Variants in TTC7A observed in about 807,000 individuals in gnomAD.
The protein encoded by TTC7A is tetratricopeptide repeat domain 7A.
A neutral mutation model predicts 103.7 loss-of-function variants in TTC7A; 110 were observed. The observed-to-expected ratio is 1.06, with a 90% CI of 0.91 to 1.24. The LOEUF (loss-of-function observed/expected upper bound fraction) is 1.24, where lower values mean the gene tolerates loss of function less well. Ranked by LOEUF, TTC7A falls within the 50% of genes most tolerant of loss-of-function variation. The pLI is 0.00. For synonymous variants in TTC7A, 521 were observed against 467.9 expected (o/e 1.11, Z -1.47); for missense variants, 1,340 against 1,116.3 (o/e 1.20, Z -2.86).
intron 16 of TTC7A, chr2:47,046,959 C>T (rs181693697): frequency 3.2e-4 from 100 of 316,562 alleles, no homozygotes; most frequent in African/African-American, 1.5e-3. Flanking sequence ...AAGGGCCACC[C>T]CTTCTTCCCT....
Position 46,941,712 on chromosome 2 carries a change from C to G in TTC7A, c.171C>G (p.Thr57=). 6.4e-7 allele frequency: 1 copy of G among 1,550,458 alleles called. No homozygotes were observed. Among genetic ancestry groups the G allele is most frequent in the South Asian group, 1.2e-5 (1 of 84,070 alleles). Residue 57 remains threonine (T), a synonymous_variant, in exon 1 of 20, where the codon ACC becomes ACG. Coordinates refer to ENST00000319190, the MANE Select transcript of TTC7A (RefSeq NM_020458.4). This position sits in a 1 kb window ranked among gnomAD's most constrained non-coding sequence, Gnocchi z 4.2. ...NRRGSPSAAF[T]FPDTDDFGKL... The stretch of plus-strand genomic sequence containing the variant: ...GAGGCAGCCCGAGCGCAGCGTTCAC[C>G]TTTCCGGACACCGGTGAGTAAGGGA...
chr2:46,947,474 G>C (rs988092399), intron 1 of TTC7A, among the ~76,000 whole-genome samples: 5 of 152,158 alleles, frequency 3.3e-5, no homozygotes, highest in Non-Finnish European at 5.9e-5. Flanking sequence ...CTAGCATTTT[G>C]GGAGGCCGAG....
At chr2:46,960,054 TC>T (rs1384024962) in intron 3 of TTC7A, among the ~76,000 whole-genome samples, 1 of 152,168 alleles carries the variant, frequency 6.6e-6, no homozygotes, top group East Asian at 1.9e-4. Flanking sequence ...CCACCAGCAT[TC>T]CTGGTCCCCT....
At chr2:46,926,482 A>G (rs1669389426) in intron 2 of TTC7A, among the ~76,000 whole-genome samples, 1 of 152,198 alleles carries the variant, frequency 6.6e-6, no homozygotes, top group African/African-American at 2.4e-5. Context: ...GAGTCAAGGA[A>G]GACTTCCCTC....
chr2:46,986,639 G>GGA (rs1675042525), intron 5 of TTC7A, among the ~76,000 whole-genome samples: 1 of 152,216 alleles, frequency 6.6e-6, no homozygotes, highest in Admixed American at 6.5e-5. Flanking sequence ...AGAGTCCCAG[G>GGA]GAGAGGGAGG....
At chr2:47,051,160 CAG>C (rs1325972421) in intron 17 of TTC7A, among the ~76,000 whole-genome samples, 1 of 152,178 alleles carries the variant, frequency 6.6e-6, no homozygotes, top group East Asian at 1.9e-4. Flanking sequence ...CTTGTGAAAA[CAG>C]AAGGTGAAAA....
intron 16 of TTC7A, among the ~76,000 whole-genome samples, chr2:47,047,718 C>T (rs1558625184): frequency 6.6e-6 from 1 of 152,220 alleles, no homozygotes; most frequent in African/African-American, 2.4e-5. Flanking sequence ...CTCTGAGCTG[C>T]AGCCTTGTCT....
intron 2 of TTC7A, among the ~76,000 whole-genome samples, chr2:46,923,762 C>T (rs905597203): frequency 6.6e-6 from 1 of 151,784 alleles, no homozygotes; most frequent in Non-Finnish European, 1.5e-5. Flanking sequence ...GACAAAGTCT[C>T]ACTCTTGTCC....
At chr2:47,047,806 C>A (rs1017752693) in intron 16 of TTC7A, among the ~76,000 whole-genome samples, 2 of 152,200 alleles carry the variant, frequency 1.3e-5, no homozygotes, top group African/African-American at 4.8e-5. Flanking sequence ...AATGGGAAGC[C>A]CCTAAGCACC....
intron 10 of TTC7A, among the ~76,000 whole-genome samples, chr2:47,010,231 GC>G (rs1677894762): frequency 6.6e-6 from 1 of 152,094 alleles, no homozygotes; most frequent in African/African-American, 2.4e-5. Context: ...GACTCTGCAG[GC>G]CCAACAGTTT....
At chr2:46,932,133 A>G in intron 2 of TTC7A, among the ~76,000 whole-genome samples, 1 of 152,036 alleles carries the variant, frequency 6.6e-6, no homozygotes, top group East Asian at 1.9e-4. Flanking sequence ...ATCAGAAAGC[A>G]ATGTAGGGCT....
intron 3 of TTC7A, among the ~76,000 whole-genome samples, chr2:46,959,685 G>A (rs1055820778): frequency 5.3e-5 from 8 of 152,206 alleles, no homozygotes; most frequent in African/African-American, 1.9e-4. Flanking sequence ...GACCCTGTGA[G>A]GCGTCACTCA....
At chr2:46,923,257 T>A (rs1484037332) in intron 2 of TTC7A, among the ~76,000 whole-genome samples, 1 of 152,218 alleles carries the variant, frequency 6.6e-6, no homozygotes, top group Admixed American at 6.5e-5. Flanking sequence ...GGTGATCAAC[T>A]TAACCTTCAG....
chr2:47,042,678 G>A (rs1681882627), intron 15 of TTC7A, among the ~76,000 whole-genome samples: 1 of 95,724 alleles, frequency 1.0e-5, no homozygotes, highest in Non-Finnish European at 2.5e-5. Flanking sequence ...AGCCCCAAGT[G>A]TGTGTGTGTG....
chr2:47,040,105 G>A (rs1681571440), intron 15 of TTC7A, among the ~76,000 whole-genome samples: 1 of 152,230 alleles, frequency 6.6e-6, no homozygotes, highest in Non-Finnish European at 1.5e-5. Context: ...TGGGTGAGGG[G>A]TGGCCGGTGT....
At chr2:46,917,219 T>G (rs914404023) in exon 2 of TTC7A, 11 of 698,946 alleles carry the variant, frequency 1.6e-5, no homozygotes, top group Non-Finnish European at 2.3e-5. Flanking sequence ...CGTCTCGAAC[T>G]CCTGGGTTCA....
intron 5 of TTC7A, among the ~76,000 whole-genome samples, chr2:46,979,577 C>G (rs17480779): frequency 0.39 from 59,170 of 151,998 alleles, 12,689 homozygotes; most frequent in East Asian, 0.67. Flanking sequence ...CAAGACCTGC[C>G]TTGTTGAATA....
At chr2:46,993,426 C>G (rs773966778) in intron 5 of TTC7A, 24 bp from the exon 6 acceptor site, 2 of 1,613,022 alleles carry the variant, frequency 1.2e-6, no homozygotes, top group East Asian at 4.5e-5. Flanking sequence ...GGTAACAAAT[C>G]TACTTCTGCC....
At chr2:47,029,998 TGA>T (rs1491178730) in intron 15 of TTC7A, among the ~76,000 whole-genome samples, 1 of 151,436 alleles carries the variant, frequency 6.6e-6, no homozygotes, top group Non-Finnish European at 1.5e-5. Context: ...CCACCTGAGG[TGA>T]GAGGATGTGT....
Sources: gnomAD v4.1 joint callset for allele counts (sites outside exome capture counted in the v4.1 genomes callset) on GRCh38, gnomAD v4.1.1 for gene constraint, Gnocchi (gnomAD v3.1) non-coding constraint, MANE v1.5 for transcripts, NCBI Gene and HGNC (gene_info 2026-07-23, HGNC 2026-07-21) for gene names.